COX5B: variants seen among roughly 807,000 people sequenced by gnomAD.
The protein encoded by COX5B is cytochrome c oxidase subunit 5B, mitochondrial.
COX5B carries 8 observed loss-of-function variants against 16.2 expected under a neutral mutation model. The observed-to-expected ratio is 0.49, with a 90% CI of 0.29 to 0.89. The LOEUF (loss-of-function observed/expected upper bound fraction) is 0.89, where lower values mean the gene tolerates loss of function less well. Ranked by LOEUF, COX5B falls within the 40% of genes least tolerant of loss-of-function variation. COX5B has a pLI of 0.08. For synonymous variants in COX5B, 65 were observed against 67.6 expected, an observed-to-expected ratio of 0.96 and a Z score of 0.19; for missense variants, 161 against 168.7, an observed-to-expected ratio of 0.95 and a Z score of 0.25.
chr2:97,646,893 A>C, intron 1 of COX5B, 174 bp from the exon 2 acceptor site: 1 of 577,194 alleles, frequency 1.7e-6, no homozygotes, highest in Non-Finnish European at 3.1e-6. Flanking sequence ...GCTTGTGTGG[A>C]TGGGTACTTG....
intron 3 of COX5B, 76 bp downstream of exon 3, chr2:97,647,519 C>A: frequency 7.9e-7 from 1 of 1,273,138 alleles, no homozygotes; most frequent in Non-Finnish European, 1.1e-6. Context: ...CTCAAATCTT[C>A]AGTGTGTGAG....
chr2:97,647,872 TG>T, intron 3 of COX5B, 123 bp from the exon 4 acceptor site: 1 of 848,752 alleles, frequency 1.2e-6, no homozygotes, highest in Middle Eastern at 2.2e-4. Flanking sequence ...GGGCTTGAAC[TG>T]ATCTCTTAAG....
Position 97,648,223 on chromosome 2 carries a change from T to C in COX5B, c.*115T>C. 1 of 884,608 alleles carries C rather than the reference T, an allele frequency of 1.1e-6. No homozygotes were observed. 54.8% of individuals were successfully genotyped at this position (884,608 alleles called of 1,614,324 possible). ...GGCTGGTCTTATTTCTTACCCGTAT[T>C]CTTTGGTAGGCATGGAATATGCTTA... On this transcript the variant is annotated 3_prime_UTR_variant, in exon 4 of 4. Coordinates refer to ENST00000258424, the MANE Select transcript of COX5B (RefSeq NM_001862.3).
chr2:97,646,469 T>A, intron 1 of COX5B: 1 of 434,646 alleles, frequency 2.3e-6, no homozygotes, highest in East Asian at 4.0e-5. Context: ...CCGGCCTCCC[T>A]TCAAACCTGC....
At chr2:97,647,549 C>A in intron 3 of COX5B, 106 bp downstream of exon 3, 2 of 981,336 alleles carry the variant, frequency 2.0e-6, no homozygotes, top group South Asian at 1.5e-5. Flanking sequence ...GTAAGTTTGT[C>A]TAAGGGTCTT....
intron 1 of COX5B, chr2:97,646,803 G>A: frequency 3.2e-6 from 1 of 316,882 alleles, no homozygotes; most frequent in Non-Finnish European, 6.1e-6. Flanking sequence ...AGCCAACATC[G>A]CGCCATTGCA....
chr2:97,647,011 T>C, intron 1 of COX5B, 56 bp from the exon 2 acceptor site: 1 of 1,561,110 alleles, frequency 6.4e-7, no homozygotes, highest in Non-Finnish European at 8.8e-7. Flanking sequence ...TTTCTGTTTG[T>C]AGTTTTTCTA....
chr2:97,647,457 C>G lies in COX5B; in HGVS notation c.277+14C>G. Reference sequence around the variant, plus strand: ...TAGGCTGCATCTGTAAGTACCTCACCTCTATTTTTTATCCACTTGCTTAAT... The same window carrying G: ...TAGGCTGCATCTGTAAGTACCTCACGTCTATTTTTTATCCACTTGCTTAAT... On this transcript the variant is annotated intron_variant, in intron 3 of 3. Transcript: ENST00000258424. 1 of 1,596,516 alleles carries G rather than the reference C, an allele frequency of 6.3e-7. No individual in the cohort carries two copies. The highest frequency in any genetic ancestry group is 8.6e-7 in the Non-Finnish European group (1 of 1,165,718).
chr2:97,646,819 G>C (rs1674663106), intron 1 of COX5B: 1 of 372,800 alleles, frequency 2.7e-6, no homozygotes, highest in African/African-American at 2.1e-5. Flanking sequence ...TTGCACTCCA[G>C]CCTGGGCAAC....
rs769950680 is a variant in COX5B at position 97,646,974 on chromosome 2, G to T, written c.104-93G>T. The T allele has an allele frequency of 1.8e-5, 24 of 1,342,482 alleles. No individual in the cohort carries two copies. The Admixed American group carries it at 2.4e-4, about 13-fold the overall frequency. 83.2% of individuals were successfully genotyped at this position (1,342,482 alleles called of 1,614,324 possible). ...TGAGCCCGCTAAAACTTATACAGAA[G>T]TTTCGGGGCACCATTTTCCTTGATC... On this transcript the variant is annotated intron_variant, in intron 1 of 3. Coordinates refer to ENST00000258424, the MANE Select transcript of COX5B (RefSeq NM_001862.3).
chr2:97,648,191 C>A lies in COX5B; in HGVS notation c.*83C>A. On this transcript the variant is annotated 3_prime_UTR_variant, in exon 4 of 4. Coordinates refer to ENST00000258424, the MANE Select transcript of COX5B (RefSeq NM_001862.3). ...TAGCCATTGCATTGGCTCCTTCTCC[C>A]ATAGATGGCTGGTCTTATTTCTTAC... 1.8e-6 allele frequency: 2 copies of A among 1,124,780 alleles called. No homozygotes were observed. Among genetic ancestry groups the A allele is most frequent in the Non-Finnish European group, 1.3e-6 (1 of 797,746 alleles). 69.7% of individuals were successfully genotyped at this position (1,124,780 alleles called of 1,614,324 possible). A position where few individuals can be genotyped will look rare whatever the true frequency, so the allele number is the denominator to read the frequency against.
rs766196983 is a variant in COX5B, at chr2:97,647,485, A to G, written c.277+42A>G. ...TATTTTTTATCCACTTGCTTAATAT[A>G]TCCTACAATAGTGTGTAAGCTGCCT... On this transcript the variant is annotated intron_variant, in intron 3 of 3. Transcript: ENST00000258424. 126 of 1,504,796 alleles carry G rather than the reference A, an allele frequency of 8.4e-5. 1 individual carries two copies. The East Asian group carries it at 2.1e-3, about 25-fold the overall frequency. The allele number at this position is 1,504,796 out of a possible 1,614,324, so 93.2% of individuals were successfully genotyped here.
At chr2:97,647,038 G>A in intron 1 of COX5B, 29 bp from the exon 2 acceptor site, 1 of 1,607,240 alleles carries the variant, frequency 6.2e-7, no homozygotes, top group Non-Finnish European at 8.5e-7. Context: ...ATTTCAGTCA[G>A]CGTCATAATT....
Position 97,647,124 on chromosome 2 carries a change from C to T in COX5B, c.161C>T (p.Ala54Val), listed in dbSNP as rs1405161666. ...ATGLEREIML[A>V]AKKGLDPYNV... The stretch of plus-strand genomic sequence containing the variant: ...GGGTTGGAGAGGGAGATCATGCTGG[C>T]TGCAAAGAAGGGACTGGTAAGGAGA... Residue 54 changes from alanine (A) to valine (V), a missense_variant, in exon 2 of 4, where the codon GCT (alanine) becomes GTT (valine). Transcript: ENST00000258424. 1.2e-6 allele frequency: 2 copies of T among 1,613,950 alleles called. No homozygotes were observed. The highest frequency in any genetic ancestry group is 1.7e-6 in the Non-Finnish European group (2 of 1,179,978).
At chr2:97,646,848 CAA>C (rs916649920) in intron 1 of COX5B, 4 of 428,870 alleles carry the variant, frequency 9.3e-6, no homozygotes, top group African/African-American at 8.1e-5. Flanking sequence ...AACTCCGTCT[CAA>C]AAAAGAAAAA....
At position 97,646,817 on chromosome 2, in the gene COX5B, C is replaced by A. The variant is rs150855440; in HGVS notation, c.104-250C>A. On this transcript the variant is annotated intron_variant, in intron 1 of 3. Coordinates refer to ENST00000258424, the MANE Select transcript of COX5B (RefSeq NM_001862.3). ...GAGCCAACATCGCGCCATTGCACTC[C>A]AGCCTGGGCAACAAGAGCAAAACTC... The A allele has an allele frequency of 3.8e-3, 1,392 of 364,730 alleles. 19 individuals are homozygous for A. Among genetic ancestry groups the A allele is most frequent in the African/African-American group, 0.023 (1,126 of 48,100 alleles). 22.6% of individuals were successfully genotyped at this position (364,730 alleles called of 1,614,324 possible). A position where few individuals can be genotyped will look rare whatever the true frequency, so the allele number is the denominator to read the frequency against.
rs1452035142 is a variant in COX5B at position 97,646,083 on chromosome 2, C to T, written c.-4C>T. 5 of 1,553,152 alleles carry T rather than the reference C, an allele frequency of 3.2e-6. No homozygotes were observed. Among genetic ancestry groups the T allele is most frequent in the Non-Finnish European group, 4.4e-6 (5 of 1,147,622 alleles). On this transcript the variant is annotated 5_prime_UTR_variant, in exon 1 of 4. It adds an upstream start codon to the 5' untranslated region. Transcript: ENST00000258424. ...CGGAAGTTTTGCTGCTAGTCGCGGACGCAATGGCTTCAAGGTTACTTCGCG... is the reference window on the plus strand; with the variant it reads ...CGGAAGTTTTGCTGCTAGTCGCGGATGCAATGGCTTCAAGGTTACTTCGCG...
chr2:97,646,537 C>T (rs554859591), intron 1 of COX5B: 36 of 249,324 alleles, frequency 1.4e-4, no homozygotes, highest in Middle Eastern at 1.3e-3. Context: ...ACAAATTTGC[C>T]TCGGTGGTTG....
chr2:97,648,214 T>C lies in COX5B; in HGVS notation c.*106T>C. 1 of 965,530 alleles carries C rather than the reference T, an allele frequency of 1.0e-6. No homozygotes were observed. The highest frequency in any genetic ancestry group is 3.1e-5 in the Admixed American group (1 of 32,100). The allele number at this position is 965,530 out of a possible 1,614,324, so 59.8% of individuals were successfully genotyped here. A position where few individuals can be genotyped will look rare whatever the true frequency, so the allele number is the denominator to read the frequency against. On this transcript the variant is annotated 3_prime_UTR_variant, in exon 4 of 4. Transcript: ENST00000258424. ...CCCATAGATGGCTGGTCTTATTTCT[T>C]ACCCGTATTCTTTGGTAGGCATGGA...
Sources: allele counts gnomAD v4.1 joint callset, GRCh38; gene constraint gnomAD v4.1.1; transcripts MANE v1.5; gene names NCBI Gene and HGNC (gene_info 2026-07-23, HGNC 2026-07-21).